The following NALF1 variants were observed in gnomAD, a reference collection of about 807,000 sequenced individuals.
The protein encoded by NALF1 is family with sequence similarity 155 member A.
A neutral mutation model predicts 48.4 loss-of-function variants in NALF1; 3 were observed. That is an observed-to-expected ratio of 0.06 (90% confidence interval 0.03 to 0.16). NALF1 has a LOEUF of 0.16. Ranked by LOEUF, NALF1 falls within the 10% of genes least tolerant of loss-of-function variation. The probability of loss-of-function intolerance (pLI) is 1.00; values close to 1 mark genes in which losing one functional copy is unlikely to be tolerated. For missense variants in NALF1, 526 were observed against 571.5 expected (o/e 0.92, Z 0.81); for synonymous variants, 262 against 245.7 (o/e 1.07, Z -0.62).
chr13:107,181,679 C>A (rs1378804835), intron 2 of NALF1, among the ~76,000 whole-genome samples: 3 of 127,852 alleles, frequency 2.3e-5, no homozygotes, highest in African/African-American at 5.8e-5. Context: ...ATGTATTTTT[C>A]CCTATTTAAA....
At chr13:107,282,614 T>G (rs113837840) in intron 1 of NALF1, among the ~76,000 whole-genome samples, 5,125 of 152,318 alleles carry the variant, frequency 0.034, 105 homozygotes, top group Middle Eastern at 0.054. Flanking sequence ...TTGTCCTCTT[T>G]GGGATCACTC....
At chr13:107,697,273 A>G (rs1381718926) in intron 1 of NALF1, among the ~76,000 whole-genome samples, 1 of 152,114 alleles carries the variant, frequency 6.6e-6, no homozygotes, top group East Asian at 1.9e-4. Context: ...AGAGTTCTGT[A>G]TGTTTTATAT....
At chr13:107,798,690 T>A (rs1027739188) in intron 1 of NALF1, among the ~76,000 whole-genome samples, 23 of 152,210 alleles carry the variant, frequency 1.5e-4, no homozygotes, top group Non-Finnish European at 1.5e-5. Flanking sequence ...TTGGAATGTA[T>A]TTACAGTTTT....
At chr13:107,231,986 G>A (rs1313084565) in intron 1 of NALF1, among the ~76,000 whole-genome samples, 1 of 152,226 alleles carries the variant, frequency 6.6e-6, no homozygotes, top group Admixed American at 6.5e-5. Context: ...AAATGGCTGA[G>A]TGTCAAAGAC....
At chr13:107,690,711 T>A (rs1428135009) in intron 1 of NALF1, among the ~76,000 whole-genome samples, 1 of 152,188 alleles carries the variant, frequency 6.6e-6, no homozygotes, top group Admixed American at 6.5e-5. Flanking sequence ...GAGGAATGAT[T>A]GATGAGTTTC....
intron 1 of NALF1, among the ~76,000 whole-genome samples, chr13:107,626,683 CA>C (rs199518865): frequency 0.017 from 2,585 of 152,112 alleles, 44 homozygotes; most frequent in Non-Finnish European, 0.027. Context: ...AATCCAAGCA[CA>C]GAAAGACAAA....
At chr13:107,527,885 C>T (rs1357341195) in intron 1 of NALF1, among the ~76,000 whole-genome samples, 1 of 152,078 alleles carries the variant, frequency 6.6e-6, no homozygotes, top group Non-Finnish European at 1.5e-5. Context: ...TTTTAAATTA[C>T]CCAGTCTCAG....
chr13:107,743,398 T>C (rs1876693037), intron 1 of NALF1, among the ~76,000 whole-genome samples: 1 of 152,192 alleles, frequency 6.6e-6, no homozygotes, highest in African/African-American at 2.4e-5. Flanking sequence ...CATGCTTATA[T>C]TGCTCCAGCA....
intron 1 of NALF1, among the ~76,000 whole-genome samples, chr13:107,517,429 G>C (rs1450945242): frequency 6.6e-6 from 1 of 151,706 alleles, no homozygotes; most frequent in African/African-American, 2.4e-5. Context: ...AGGAGATCGA[G>C]ACCATCCTGG....
Position 107,789,597 on chromosome 13 carries a change from C to T in NALF1, c.915+76085G>A, listed in dbSNP as rs570907461. 2.0e-5 allele frequency among the ~76,000 whole-genome samples: 3 copies of T among 152,286 alleles called. No individual in the cohort carries two copies. In the South Asian group the frequency reaches 6.2e-4, roughly 32 times the overall value. On this transcript the variant is annotated intron_variant, in intron 1 of 2. Coordinates refer to ENST00000375915, the MANE Select transcript of NALF1 (RefSeq NM_001080396.3). ...GTAAGCAATGGCTACACCCCAAACA[C>T]CATCACTTTTTTGTTCTTTTTTAAG...
intron 1 of NALF1, among the ~76,000 whole-genome samples, chr13:107,393,020 G>A (rs1294653282): frequency 2.6e-5 from 4 of 152,086 alleles, no homozygotes; most frequent in Admixed American, 6.6e-5. Flanking sequence ...ATAAATAATG[G>A]CTCATTTTAG....
chr13:107,552,539 A>G (rs556066771), intron 1 of NALF1, among the ~76,000 whole-genome samples: 3 of 152,240 alleles, frequency 2.0e-5, no homozygotes, highest in African/African-American at 4.8e-5. Flanking sequence ...GTCTACAAAC[A>G]CACACTGGAC....
chr13:107,759,743 C>T (rs184565722), intron 1 of NALF1, among the ~76,000 whole-genome samples: 1 of 151,626 alleles, frequency 6.6e-6, no homozygotes, highest in East Asian at 2.0e-4. Flanking sequence ...CCTCAATTAG[C>T]TATCTTCAAA....
chr13:107,306,954 T>C (rs369427562), intron 1 of NALF1, among the ~76,000 whole-genome samples: 1 of 152,068 alleles, frequency 6.6e-6, no homozygotes, highest in African/African-American at 2.4e-5. Context: ...TGAGAGCTTG[T>C]CTCAAAAAAA....
intron 1 of NALF1, among the ~76,000 whole-genome samples, chr13:107,796,386 GT>G (rs749617099): frequency 7.9e-5 from 12 of 152,090 alleles, no homozygotes; most frequent in Non-Finnish European, 1.6e-4. Context: ...TTTGTGTAAT[GT>G]TTTGTTTTAA....
chr13:107,247,966 C>G (rs16969929), intron 1 of NALF1, among the ~76,000 whole-genome samples: 20,096 of 152,004 alleles, frequency 0.13, 1,487 homozygotes, highest in Admixed American at 0.17. Flanking sequence ...TTAGCAAAGA[C>G]GTGAAAAGCA....
chr13:107,291,008 C>T (rs1881610216), intron 1 of NALF1, among the ~76,000 whole-genome samples: 1 of 151,750 alleles, frequency 6.6e-6, no homozygotes, highest in South Asian at 2.1e-4. Context: ...AAAACAAAGG[C>T]TTTTGATTGC....
At chr13:107,797,198 TTTTTC>T (rs936857175) in intron 1 of NALF1, among the ~76,000 whole-genome samples, 119 of 152,062 alleles carry the variant, frequency 7.8e-4, no homozygotes, top group African/African-American at 2.6e-3. Context: ...TCACCTCCCA[TTTTTC>T]TTTTCTTTTC....
At chr13:107,719,134 C>T (rs958395268) in intron 1 of NALF1, among the ~76,000 whole-genome samples, 2 of 152,176 alleles carry the variant, frequency 1.3e-5, no homozygotes, top group Non-Finnish European at 2.9e-5. Context: ...ATTCTGTTCA[C>T]CAAAAAGATT....
Sources: allele counts gnomAD v4.1 joint callset (sites outside exome capture counted in the v4.1 genomes callset), GRCh38; gene constraint gnomAD v4.1.1; transcripts MANE v1.5; gene names NCBI Gene and HGNC (gene_info 2026-07-23, HGNC 2026-07-21).